Variants in BCO1 observed in about 807,000 individuals in gnomAD.
BCO1 encodes beta,beta-carotene 15,15'-dioxygenase.
BCO1 carries 54 observed loss-of-function variants against 56.3 expected under a neutral mutation model. That is an observed-to-expected ratio of 0.96 (90% CI 0.77 to 1.20). The LOEUF (loss-of-function observed/expected upper bound fraction) is 1.20. Among genes scored for constraint, BCO1 ranks in the 50% most tolerant of loss-of-function variants. The probability of loss-of-function intolerance (pLI) is 0.00; values close to 1 mark genes in which losing one functional copy is unlikely to be tolerated. For missense variants in BCO1, 801 were observed against 690.9 expected (o/e 1.16, Z -1.79); for synonymous variants, 318 against 266.1 (o/e 1.20, Z -1.90).
rs758165288 is a variant in BCO1, at chr16:81,238,767, G to A, written c.-142G>A. ...AAAAGGAAAAAGCAAAGGCAGAAACGGCATCAGGAGAGACAGAGATGTGAA... is the reference window on the plus strand; with the variant it reads ...AAAAGGAAAAAGCAAAGGCAGAAACAGCATCAGGAGAGACAGAGATGTGAA... On this transcript the variant is annotated 5_prime_UTR_variant, in exon 1 of 11. Coordinates refer to ENST00000258168, the MANE Select transcript of BCO1 (RefSeq NM_017429.3). 12 of 767,422 alleles carry A rather than the reference G, an allele frequency of 1.6e-5. No individual in the cohort carries two copies. The highest frequency in any genetic ancestry group is 8.0e-5 in the Admixed American group (4 of 50,120). The allele number at this position is 767,422 out of a possible 1,614,324, so 47.5% of individuals were successfully genotyped here.
intron 10 of BCO1, 67 bp from the exon 11 acceptor site, chr16:81,290,281 T>G: frequency 7.6e-7 from 1 of 1,312,904 alleles, no homozygotes; most frequent in Non-Finnish European, 1.1e-6. Flanking sequence ...AGAGACATGC[T>G]GAGAAATTCA....
intron 8 of BCO1, 39 bp downstream of exon 8, chr16:81,281,001 C>A (rs748758342): frequency 2.1e-5 from 30 of 1,438,410 alleles, no homozygotes; most frequent in Non-Finnish European, 2.7e-5. Context: ...AGGAAAGGGG[C>A]AGATTTTCAC....
chr16:81,287,935 G>A (rs1047753548), intron 10 of BCO1, among the ~76,000 whole-genome samples: 2 of 152,268 alleles, frequency 1.3e-5, no homozygotes, highest in African/African-American at 4.8e-5. Flanking sequence ...ATGGTTGACT[G>A]CCTGTGTGTC....
chr16:81,247,822 G>A lies in BCO1; in HGVS notation c.193+2219G>A, dbSNP rs138776864. On this transcript the variant is annotated intron_variant, in intron 2 of 10. Coordinates refer to ENST00000258168, the MANE Select transcript of BCO1 (RefSeq NM_017429.3). ...GTTACAGGCATGAGCCACCACGCCC[G>A]GCCCATCCCATTTCTATTTTAATTT... Among the ~76,000 whole-genome samples, 401 of 151,736 alleles carry A rather than the reference G, an allele frequency of 2.6e-3. 1 individual carries two copies. The highest frequency in any genetic ancestry group is 9.2e-3 in the African/African-American group (382 of 41,408).
chr16:81,278,130 C>T (rs910635075), intron 7 of BCO1, among the ~76,000 whole-genome samples: 3 of 152,198 alleles, frequency 2.0e-5, no homozygotes, highest in African/African-American at 7.2e-5. Flanking sequence ...CAACCTCCGC[C>T]TCCCAGGTTC....
chr16:81,288,540 C>T (rs746738790), intron 10 of BCO1, among the ~76,000 whole-genome samples: 1 of 152,200 alleles, frequency 6.6e-6, no homozygotes, highest in Non-Finnish European at 1.5e-5. Context: ...GCTGGGATTA[C>T]AGGTGTGAGC....
intron 2 of BCO1, among the ~76,000 whole-genome samples, chr16:81,253,108 C>G (rs1309868500): frequency 6.6e-6 from 1 of 152,030 alleles, no homozygotes; most frequent in Non-Finnish European, 1.5e-5. Flanking sequence ...GATGTTGTCT[C>G]AAATATAAAA....
intron 1 of BCO1, 71 bp downstream of exon 1, chr16:81,239,043 G>C: frequency 7.6e-7 from 1 of 1,321,588 alleles, no homozygotes; most frequent in Admixed American, 2.2e-5. Flanking sequence ...TTGAGGCGGA[G>C]TCTCGCTCTG....
intron 6 of BCO1, among the ~76,000 whole-genome samples, chr16:81,269,223 C>T (rs879068274): frequency 7.2e-5 from 11 of 151,924 alleles, no homozygotes; most frequent in African/African-American, 1.7e-4. Context: ...TCCACCCCCA[C>T]GTCTGAAGGG....
chr16:81,239,205 C>T (rs1365232164), intron 1 of BCO1, among the ~76,000 whole-genome samples: 8 of 151,620 alleles, frequency 5.3e-5, no homozygotes, highest in East Asian at 1.9e-4. Flanking sequence ...TTAGTAGAGA[C>T]GGGGTTTCAG....
rs199634305 is a variant in BCO1 at position 81,261,198 on chromosome 16, A to AG, written c.324-936dup. Among the ~76,000 whole-genome samples, 625 of 152,294 alleles carry AG rather than the reference A, an allele frequency of 4.1e-3. 4 individuals are homozygous for AG. Among genetic ancestry groups the AG allele is most frequent in the African/African-American group, 0.015 (609 of 41,554 alleles). ...TCACGAATTTGAAACCACGACCTGG[A>AG]GGTCCTGGAACCAAGCCTCCTTTTT... is the stretch of plus-strand genomic sequence containing the variant. On this transcript the variant is annotated intron_variant, in intron 3 of 10. Coordinates refer to ENST00000258168, the MANE Select transcript of BCO1 (RefSeq NM_017429.3).
At chr16:81,270,057 G>A (rs1907087017) in intron 6 of BCO1, 102 bp from the exon 7 acceptor site, 1 of 1,458,674 alleles carries the variant, frequency 6.9e-7, no homozygotes, top group Non-Finnish European at 9.6e-7. Flanking sequence ...ACATAGTCCT[G>A]AGCCTAGCTC....
chr16:81,261,308 T>A (rs938110549), intron 3 of BCO1, among the ~76,000 whole-genome samples: 22 of 152,280 alleles, frequency 1.4e-4, no homozygotes, highest in African/African-American at 4.6e-4. Context: ...ACCCCTCTGG[T>A]TTTTCTTTCT....
intron 1 of BCO1, among the ~76,000 whole-genome samples, chr16:81,239,575 A>G (rs1480895777): frequency 2.0e-5 from 3 of 152,166 alleles, no homozygotes; most frequent in Admixed American, 2.0e-4. Context: ...CCTGTCTCAG[A>G]TGCATGATGT....
chr16:81,269,513 G>T (rs1262149014), intron 6 of BCO1, among the ~76,000 whole-genome samples: 1 of 151,874 alleles, frequency 6.6e-6, no homozygotes, highest in Admixed American at 6.6e-5. Context: ...TGTCGCCTAG[G>T]CTGGAATGCA....
chr16:81,271,987 T>C (rs966409987), intron 7 of BCO1, among the ~76,000 whole-genome samples: 71 of 152,168 alleles, frequency 4.7e-4, no homozygotes, highest in African/African-American at 1.5e-3. Flanking sequence ...ACTCAGGCAA[T>C]CTGCCCCCCT....
At chr16:81,275,884 T>A (rs116536710) in intron 7 of BCO1, among the ~76,000 whole-genome samples, 2,674 of 149,100 alleles carry the variant, frequency 0.018, 80 homozygotes, top group African/African-American at 0.062. Context: ...CAGGGCGGTG[T>A]GGGGGTGCCT....
intron 7 of BCO1, among the ~76,000 whole-genome samples, chr16:81,275,318 C>T (rs1907488281): frequency 6.6e-6 from 1 of 152,222 alleles, no homozygotes; most frequent in Non-Finnish European, 1.5e-5. Context: ...CCCTGAGACC[C>T]CCATGTCCGG....
intron 6 of BCO1, 110 bp from the exon 7 acceptor site, chr16:81,270,049 A>G: frequency 7.2e-7 from 1 of 1,385,020 alleles, no homozygotes; most frequent in Non-Finnish European, 1.0e-6. Flanking sequence ...GAATGGGGAC[A>G]TAGTCCTGAG....
Sources: allele counts gnomAD v4.1 joint callset (sites outside exome capture counted in the v4.1 genomes callset), GRCh38; gene constraint gnomAD v4.1.1; transcripts MANE v1.5; gene names NCBI Gene and HGNC (gene_info 2026-07-23, HGNC 2026-07-21).